TRAPPC9: variants seen among roughly 807,000 people sequenced by gnomAD.
TRAPPC9 encodes the protein IKK2 binding protein.
TRAPPC9 carries 83 observed loss-of-function variants against 124.0 expected under a neutral mutation model. The ratio of observed to expected loss-of-function variants is 0.67; its 90% confidence interval spans 0.56 to 0.80. TRAPPC9 has a LOEUF of 0.80. Ranked by LOEUF, TRAPPC9 falls within the 30% of genes least tolerant of loss-of-function variation. TRAPPC9 has a pLI of 0.00. For missense variants in TRAPPC9, 1,302 were observed against 1,508.3 expected (o/e 0.86, Z 2.27); for synonymous variants, 638 against 617.5 (o/e 1.03, Z -0.49).
intron 17 of TRAPPC9, among the ~76,000 whole-genome samples, chr8:140,195,726 T>C (rs2131118237): frequency 6.6e-6 from 1 of 150,698 alleles, no homozygotes; most frequent in Middle Eastern, 3.5e-3. Context: ...ATCACACCTG[T>C]GACACTAAAA....
intron 1 of TRAPPC9, among the ~76,000 whole-genome samples, 187 bp from the exon 2 acceptor site, chr8:140,451,570 T>C (rs1264221314): frequency 6.6e-6 from 1 of 152,344 alleles, no homozygotes. Context: ...GCTGTAACTG[T>C]TGACCTTCAG....
At chr8:139,924,589 CTT>C (rs2131352237) in intron 19 of TRAPPC9, among the ~76,000 whole-genome samples, 1 of 152,322 alleles carries the variant, frequency 6.6e-6, no homozygotes, top group African/African-American at 2.4e-5. Context: ...GCCTTCAACT[CTT>C]AGCCTAGGAA....
intron 5 of TRAPPC9, among the ~76,000 whole-genome samples, chr8:140,422,440 C>T (rs796559600): frequency 5.9e-5 from 9 of 152,218 alleles, no homozygotes; most frequent in African/African-American, 2.2e-4. Flanking sequence ...TATCAAAGGA[C>T]TCATATATAG....
chr8:140,013,746 C>T (rs895966560), intron 18 of TRAPPC9, among the ~76,000 whole-genome samples: 2 of 152,202 alleles, frequency 1.3e-5, no homozygotes, highest in Admixed American at 6.5e-5. Context: ...ATGACAACCA[C>T]CAATTTTCAA....
intron 21 of TRAPPC9, among the ~76,000 whole-genome samples, chr8:139,820,646 CG>C (rs1369025859): frequency 3.3e-5 from 5 of 152,134 alleles, no homozygotes; most frequent in African/African-American, 1.2e-4. Context: ...CTTGCTTTAT[CG>C]GGTATTAAAA....
intron 16 of TRAPPC9, among the ~76,000 whole-genome samples, chr8:140,246,940 G>A (rs1311198251): frequency 6.6e-6 from 1 of 152,074 alleles, no homozygotes; most frequent in African/African-American, 2.4e-5. Context: ...AGCTGAGATC[G>A]TGCCACTGCA....
rs1179305146 is a variant in TRAPPC9, at chr8:139,731,011, A to G, written c.*50T>C. On this transcript the variant is annotated 3_prime_UTR_variant, in exon 23 of 23. Transcript: ENST00000438773. ...CTCATTGCAGGGGGTGTGGGAGGCC[A>G]GGCAGGGTCACCTCTGGCCCTGCAG... 2 of 1,598,608 alleles carry G rather than the reference A, an allele frequency of 1.3e-6. No individual in the cohort carries two copies. The highest frequency in any genetic ancestry group is 2.2e-5 in the South Asian group (2 of 90,184).
At chr8:139,888,800 T>C (rs1245444698) in intron 20 of TRAPPC9, among the ~76,000 whole-genome samples, 1 of 152,232 alleles carries the variant, frequency 6.6e-6, no homozygotes, top group East Asian at 1.9e-4. Context: ...GTGACAATCC[T>C]GGAAGTTCGG....
At chr8:140,253,553 C>A (rs2064177890) in intron 15 of TRAPPC9, among the ~76,000 whole-genome samples, 1 of 152,064 alleles carries the variant, frequency 6.6e-6, no homozygotes, top group Non-Finnish European at 1.5e-5. Flanking sequence ...CAGCGCGCCT[C>A]TGTAATCCCA....
chr8:140,300,605 T>C lies in TRAPPC9; in HGVS notation c.1632A>G (p.Lys544=), dbSNP rs1290274225. The C allele has an allele frequency of 6.2e-7, 1 of 1,614,238 alleles. No individual in the cohort carries two copies. The highest frequency in any genetic ancestry group is 8.5e-7 in the Non-Finnish European group (1 of 1,180,042). ...FTKLPIVRHV[K]LLNLPASLRP... is the part of the protein sequence containing the mutation. The stretch of plus-strand genomic sequence containing the variant: ...GGAGGCTAGCAGGAAGGTTCAATAG[T>C]TTCACATGCCTGTTGTTTCAAACAG... The change falls in exon 11 of 23, where the codon AAA becomes AAG. Residue 544 remains lysine (K), a synonymous_variant. Transcript: ENST00000438773.
intron 9 of TRAPPC9, among the ~76,000 whole-genome samples, chr8:140,345,122 T>A (rs1225721346): frequency 6.6e-6 from 1 of 152,252 alleles, no homozygotes; most frequent in East Asian, 1.9e-4. Flanking sequence ...ACAGGCACCA[T>A]GAATGCAAAG....
chr8:139,929,461 C>T (rs1043742802), intron 19 of TRAPPC9, among the ~76,000 whole-genome samples: 2 of 151,866 alleles, frequency 1.3e-5, no homozygotes, highest in Non-Finnish European at 2.9e-5. Flanking sequence ...GGGGGCCGAG[C>T]GTGGTGGCTC....
In TRAPPC9 at chr8:140,033,658, G is replaced by GTTT. The variant is rs776155126; in HGVS notation, c.2557-9582_2557-9580dup. On this transcript the variant is annotated intron_variant, in intron 17 of 22. Coordinates refer to ENST00000438773, the MANE Select transcript of TRAPPC9 (RefSeq NM_001160372.4). ...TTGAAATGCAACTCTTCATAATGTGGTTTTTTTTTTTTTTTTTTTTTTTTT... is the reference window on the plus strand; with the variant it reads ...TTGAAATGCAACTCTTCATAATGTGGTTTTTTTTTTTTTTTTTTTTTTTTTTTT... Among the ~76,000 whole-genome samples, 175 of 42,378 alleles carry GTTT rather than the reference G, an allele frequency of 4.1e-3. 31 individuals are homozygous for GTTT. The highest frequency in any genetic ancestry group is 0.011 in the Admixed American group (29 of 2,680). The allele number at this position is 42,378 out of a possible 152,430, so 27.8% of individuals were successfully genotyped here.
intron 17 of TRAPPC9, among the ~76,000 whole-genome samples, chr8:140,170,499 G>C (rs978531984): frequency 9.9e-5 from 15 of 152,170 alleles, no homozygotes. Flanking sequence ...ACATGCCAAG[G>C]GTTGTGGGAG....
At chr8:140,037,746 C>T (rs1461729150) in intron 17 of TRAPPC9, among the ~76,000 whole-genome samples, 2 of 150,116 alleles carry the variant, frequency 1.3e-5, no homozygotes, top group African/African-American at 4.9e-5. Flanking sequence ...CCCACACACA[C>T]ACACCCCACA....
chr8:139,851,710 A>G (rs1827477593), intron 21 of TRAPPC9, among the ~76,000 whole-genome samples: 1 of 152,192 alleles, frequency 6.6e-6, no homozygotes, highest in South Asian at 2.1e-4. Flanking sequence ...CTCACGGCAA[A>G]TGTTTACATT....
In TRAPPC9 at chr8:140,134,040, A is replaced by G. The variant is rs912792267; in HGVS notation, c.2556+87419T>C. On this transcript the variant is annotated intron_variant, in intron 17 of 22. Transcript: ENST00000438773. ...GCTTATTTTTTCAGAAATGGAAAAA[A>G]TGACCCTCAATTTCTCACAGAATTG... Among the ~76,000 whole-genome samples, 33 of 152,220 alleles carry G rather than the reference A, an allele frequency of 2.2e-4. 1 individual carries two copies. Among genetic ancestry groups the G allele is most frequent in the Non-Finnish European group, 5.9e-5 (4 of 68,036 alleles).
chr8:139,814,110 A>G lies in TRAPPC9; in HGVS notation c.3055+71769T>C, dbSNP rs564777494. 2.6e-5 allele frequency among the ~76,000 whole-genome samples: 4 copies of G among 152,306 alleles called. No homozygotes were observed. The South Asian group carries it at 8.3e-4, about 32-fold the overall frequency. ...GCCTCTGAGCTCGAAGCCCGGCAAG[A>G]AGAATCACGTTCCTCCGGCAGCCGC... On this transcript the variant is annotated intron_variant, in intron 21 of 22. Transcript: ENST00000438773.
Position 140,283,892 on chromosome 8 carries a change from G to A in TRAPPC9, c.2111C>T (p.Pro704Leu). The A allele has an allele frequency of 1.2e-6, 2 of 1,613,968 alleles. No individual in the cohort carries two copies. Among genetic ancestry groups the A allele is most frequent in the Non-Finnish European group, 1.7e-6 (2 of 1,179,992 alleles). Reference protein sequence around the residue: ...LPRLQISTSLPRSAHSLQPSS... With the variant: ...LPRLQISTSLLRSAHSLQPSS... ...CTGTGACCCTCGTGCACACTACCTGGGCAGAGAGGTGCTGATCTGCAGTCT... is the reference window on the plus strand; with the variant it reads ...CTGTGACCCTCGTGCACACTACCTGAGCAGAGAGGTGCTGATCTGCAGTCT... The change falls in exon 14 of 23, where the codon CCC becomes CTC. Residue 704 changes from proline to leucine, a missense_variant. By Grantham distance (98) the Pro-to-Leu change is moderately conservative. Coordinates refer to ENST00000438773, the MANE Select transcript of TRAPPC9 (RefSeq NM_001160372.4).
Sources: allele counts gnomAD v4.1 joint callset (sites outside exome capture counted in the v4.1 genomes callset), GRCh38; gene constraint gnomAD v4.1.1; transcripts MANE v1.5; gene names NCBI Gene and HGNC (gene_info 2026-07-23, HGNC 2026-07-21).